Variants in TRAPPC9 observed in about 807,000 individuals in gnomAD.
The protein encoded by TRAPPC9 is IKK2 binding protein.
In TRAPPC9, 83 loss-of-function variants were observed where a neutral mutation model predicts 124.0. The ratio of observed to expected loss-of-function variants is 0.67; its 90% CI spans 0.56 to 0.80. The LOEUF (loss-of-function observed/expected upper bound fraction) is 0.80. Ranked by LOEUF, TRAPPC9 falls within the 30% of genes least tolerant of loss-of-function variation. TRAPPC9 has a pLI of 0.00. For synonymous variants in TRAPPC9, 638 were observed against 617.5 expected, an observed-to-expected ratio of 1.03 and a Z score of -0.49; for missense variants, 1,302 against 1,508.3, an observed-to-expected ratio of 0.86 and a Z score of 2.27.
intron 1 of TRAPPC9, among the ~76,000 whole-genome samples, chr8:140,453,969 G>A (rs1482117916): frequency 2.6e-5 from 4 of 152,288 alleles, no homozygotes; most frequent in South Asian, 2.1e-4. Context: ...GCGGCCCACC[G>A]CAGGTAACAA....
At chr8:139,809,445 C>G (rs1586894094) in intron 21 of TRAPPC9, among the ~76,000 whole-genome samples, 1 of 152,216 alleles carries the variant, frequency 6.6e-6, no homozygotes, top group Non-Finnish European at 1.5e-5. Flanking sequence ...CTGCGCCAGA[C>G]AGGAGGCAGG....
chr8:139,960,059 G>A (rs546673256), intron 19 of TRAPPC9, among the ~76,000 whole-genome samples: 4 of 152,334 alleles, frequency 2.6e-5, no homozygotes, highest in East Asian at 1.9e-4. Flanking sequence ...TATTAGTCAC[G>A]AGGAATCATT....
intron 16 of TRAPPC9, among the ~76,000 whole-genome samples, chr8:140,235,681 T>C (rs747628315): frequency 6.6e-6 from 1 of 152,206 alleles, no homozygotes; most frequent in Non-Finnish European, 1.5e-5. Flanking sequence ...AGTTCATACA[T>C]AGTGCTGGGA....
chr8:139,941,223 G>A (rs1226484724), intron 19 of TRAPPC9, among the ~76,000 whole-genome samples: 2 of 152,256 alleles, frequency 1.3e-5, no homozygotes, highest in African/African-American at 4.8e-5. Flanking sequence ...AGGCTGCCAG[G>A]TGAGAAGGGT....
At chr8:140,320,495 A>C (rs1382776734) in intron 9 of TRAPPC9, among the ~76,000 whole-genome samples, 1 of 152,168 alleles carries the variant, frequency 6.6e-6, no homozygotes, top group East Asian at 1.9e-4. Context: ...AGGCCACGCC[A>C]AACGTCCAGC....
intron 20 of TRAPPC9, among the ~76,000 whole-genome samples, chr8:139,893,610 T>C (rs1421634237): frequency 6.6e-6 from 1 of 152,236 alleles, no homozygotes; most frequent in African/African-American, 2.4e-5. Flanking sequence ...AAAACATGCA[T>C]GGCAAGTCTG....
Position 139,801,014 on chromosome 8 carries a change from C to T in TRAPPC9, c.3056-68812G>A, listed in dbSNP as rs1456593781. Among the ~76,000 whole-genome samples the T allele has an allele frequency of 2.8e-5, 4 of 143,554 alleles. No individual in the cohort carries two copies. The East Asian group carries it at 6.3e-4, about 23-fold the overall frequency. 94.2% of individuals were successfully genotyped at this position (143,554 alleles called of 152,430 possible). On this transcript the variant is annotated intron_variant, in intron 21 of 22. Transcript: ENST00000438773. ...GCTCTGGCACCTTCCCTCCCTCCGG[C>T]ATCTTCCCTCCCTCCGGTACCTTCC... is the stretch of plus-strand genomic sequence containing the variant.
At chr8:140,452,860 G>A (rs965302662) in intron 1 of TRAPPC9, among the ~76,000 whole-genome samples, 1 of 152,194 alleles carries the variant, frequency 6.6e-6, no homozygotes, top group Non-Finnish European at 1.5e-5. Context: ...CGATCTGGGT[G>A]ACCTGGAGCA....
At chr8:140,213,925 G>A (rs899963345) in intron 17 of TRAPPC9, among the ~76,000 whole-genome samples, 20 of 152,326 alleles carry the variant, frequency 1.3e-4, no homozygotes, top group South Asian at 6.2e-4. Flanking sequence ...GGCTGCAGCC[G>A]TGCATGCTGG....
At chr8:139,834,695 T>C (rs1240752696) in intron 21 of TRAPPC9, among the ~76,000 whole-genome samples, 1 of 152,220 alleles carries the variant, frequency 6.6e-6, no homozygotes, top group Non-Finnish European at 1.5e-5. Flanking sequence ...TAGCCTGAAC[T>C]TGGAGTCCTG....
chr8:140,381,667 C>CAAA (rs56659960), intron 7 of TRAPPC9, among the ~76,000 whole-genome samples: 1,266 of 47,892 alleles, frequency 0.026, 105 homozygotes, highest in Admixed American at 0.031. Context: ...GACTCTGTCT[C>CAAA]AAAAAAAAAA....
intron 9 of TRAPPC9, among the ~76,000 whole-genome samples, chr8:140,325,385 CT>C (rs1222870061): frequency 6.6e-6 from 1 of 152,146 alleles, no homozygotes; most frequent in Non-Finnish European, 1.5e-5. Flanking sequence ...GTCAATGGTT[CT>C]TTGAAAACAA....
intron 13 of TRAPPC9, among the ~76,000 whole-genome samples, chr8:140,285,057 A>G (rs1431947993): frequency 2.6e-5 from 4 of 152,332 alleles, no homozygotes; most frequent in Admixed American, 2.0e-4. Context: ...GTTGCTTAAA[A>G]TAACTGCCAT....
intron 9 of TRAPPC9, among the ~76,000 whole-genome samples, chr8:140,322,425 T>C (rs1370190487): frequency 6.6e-6 from 1 of 152,200 alleles, no homozygotes; most frequent in African/African-American, 2.4e-5. Context: ...TTTATGCTTT[T>C]TAATACAAGT....
At chr8:139,732,224 C>T (rs1372641025) in intron 21 of TRAPPC9, 22 bp from the exon 22 acceptor site, 14 of 1,554,452 alleles carry the variant, frequency 9.0e-6, no homozygotes, top group East Asian at 2.3e-5. Context: ...ACGAGACTGT[C>T]GGGGGCTGGG....
rs58224556 is a variant in TRAPPC9, at chr8:139,963,749, CAAAAAAAAAAAA to C, written c.2810+24965_2810+24976del. Among the ~76,000 whole-genome samples, 279 of 107,336 alleles carry C rather than the reference CAAAAAAAAAAAA, an allele frequency of 2.6e-3. 4 individuals carry two copies. The highest frequency in any genetic ancestry group is 0.016 in the Middle Eastern group (3 of 192). 70.4% of individuals were successfully genotyped at this position (107,336 alleles called of 152,430 possible). A position where few individuals can be genotyped will look rare whatever the true frequency, so the allele number is the denominator to read the frequency against. On this transcript the variant is annotated intron_variant, in intron 19 of 22. Transcript: ENST00000438773. ...GATTCCCTCCGAGAACCAGTTCTAC[CAAAAAAAAAAAA>C]AAAAAAAAAAAAAAAACAACTACAG...
At chr8:140,414,054 C>G (rs1042811901) in intron 5 of TRAPPC9, among the ~76,000 whole-genome samples, 3 of 152,040 alleles carry the variant, frequency 2.0e-5, no homozygotes, top group Non-Finnish European at 2.9e-5. Context: ...GAAGGAAGGT[C>G]TGATTCTTTT....
chr8:139,821,781 C>T (rs1488141731), intron 21 of TRAPPC9, among the ~76,000 whole-genome samples: 1 of 152,184 alleles, frequency 6.6e-6, no homozygotes, highest in African/African-American at 2.4e-5. Context: ...GCACGGGACC[C>T]GTGAGCTTGT....
At chr8:140,389,936 G>A (rs753476773) in intron 7 of TRAPPC9, among the ~76,000 whole-genome samples, 10 of 152,048 alleles carry the variant, frequency 6.6e-5, no homozygotes, top group Non-Finnish European at 1.0e-4. Flanking sequence ...AAAAATGTCT[G>A]CCATGAAGTA....
Sources: gnomAD v4.1 joint callset for allele counts (sites outside exome capture counted in the v4.1 genomes callset) on GRCh38, gnomAD v4.1.1 for gene constraint, MANE v1.5 for transcripts, NCBI Gene and HGNC (gene_info 2026-07-23, HGNC 2026-07-21) for gene names.